Variants in EPB41L3 observed in about 807,000 individuals in gnomAD.
EPB41L3 encodes the protein band 4.1-like protein 3.
A neutral mutation model predicts 127.1 loss-of-function variants in EPB41L3; 57 were observed. The ratio of observed to expected loss-of-function variants is 0.45; its 90% CI spans 0.36 to 0.56. The LOEUF is 0.56. Among genes scored for constraint, EPB41L3 ranks in the 20% least tolerant of loss-of-function variants. EPB41L3 has a pLI of 0.00. For missense variants in EPB41L3, 1,273 were observed against 1,372.2 expected, an observed-to-expected ratio of 0.93 and a Z score of 1.14; for synonymous variants, 572 against 549.5, an observed-to-expected ratio of 1.04 and a Z score of -0.57.
intron 3 of EPB41L3, among the ~76,000 whole-genome samples, chr18:5,584,373 T>A (rs567690840): frequency 6.6e-6 from 1 of 152,344 alleles, no homozygotes; most frequent in East Asian, 1.9e-4. Flanking sequence ...GTGAAAGTCA[T>A]ATTTTGTTGC....
At chr18:5,572,405 A>G (rs1259566212) in intron 3 of EPB41L3, among the ~76,000 whole-genome samples, 2 of 152,166 alleles carry the variant, frequency 1.3e-5, no homozygotes, top group African/African-American at 2.4e-5. Context: ...ATCGTCAACT[A>G]TTTATGCTAC....
At chr18:5,535,983 A>C (rs1290679340) in intron 1 of EPB41L3, among the ~76,000 whole-genome samples, 1 of 152,120 alleles carries the variant, frequency 6.6e-6, no homozygotes, top group African/African-American at 2.4e-5. Flanking sequence ...GGATATTTTG[A>C]TTCTGGAGAG....
chr18:5,579,269 G>T (rs2143123086), intron 3 of EPB41L3, among the ~76,000 whole-genome samples: 1 of 152,274 alleles, frequency 6.6e-6, no homozygotes, highest in East Asian at 1.9e-4. Context: ...CAGACAGGAT[G>T]CTGTCTCTGT....
intron 1 of EPB41L3, among the ~76,000 whole-genome samples, chr18:5,496,610 G>A (rs2091202823): frequency 6.6e-6 from 1 of 152,244 alleles, no homozygotes; most frequent in Admixed American, 6.5e-5. Flanking sequence ...GAAGTTCCCA[G>A]ACTAGGATTC....
intron 6 of EPB41L3, among the ~76,000 whole-genome samples, chr18:5,434,456 TC>T (rs1220102788): frequency 6.6e-6 from 1 of 152,188 alleles, no homozygotes; most frequent in East Asian, 1.9e-4. Flanking sequence ...AAATGAACAG[TC>T]CCCAATACAG....
rs7234759 is a variant in EPB41L3, at chr18:5,465,866, T to A, written c.381+12375A>T. 3.9e-5 allele frequency among the ~76,000 whole-genome samples: 6 copies of A among 152,030 alleles called. No individual in the cohort carries two copies. The South Asian group carries it at 1.2e-3, about 32-fold the overall frequency. On this transcript the variant is annotated intron_variant, in intron 3 of 22. Coordinates refer to ENST00000341928, the MANE Select transcript of EPB41L3 (RefSeq NM_012307.5). ...AGTCTCATTTAATTCATGAAATTCC[T>A]GTAGATATTCAGATATTCAACTGTT...
chr18:5,512,913 A>G (rs1218568316), intron 1 of EPB41L3, among the ~76,000 whole-genome samples: 2 of 152,182 alleles, frequency 1.3e-5, no homozygotes, highest in African/African-American at 4.8e-5. Context: ...CCCTGCCTAT[A>G]TGTAAATGCT....
chr18:5,467,637 TAAGTTA>T (rs1364233539), intron 3 of EPB41L3: 1 of 152,206 alleles, frequency 6.6e-6, no homozygotes, highest in African/African-American at 2.4e-5. Context: ...ACTACATATA[TAAGTTA>T]AATTAGAAAA....
At chr18:5,494,510 T>C (rs1032361521) in intron 1 of EPB41L3, among the ~76,000 whole-genome samples, 2 of 151,858 alleles carry the variant, frequency 1.3e-5, no homozygotes, top group African/African-American at 2.4e-5. Context: ...GTACAAAAAT[T>C]AGCTGTGTAT....
chr18:5,395,270 T>C (rs1338638842), intron 20 of EPB41L3, 123 bp from the exon 21 acceptor site: 8 of 850,280 alleles, frequency 9.4e-6, no homozygotes, highest in Middle Eastern at 2.7e-4. Flanking sequence ...ATTAGAGTTC[T>C]ATGGCACTTA....
chr18:5,541,014 G>C (rs941819645), intron 1 of EPB41L3, among the ~76,000 whole-genome samples: 1 of 150,682 alleles, frequency 6.6e-6, no homozygotes, highest in African/African-American at 2.4e-5. Flanking sequence ...GAACCCGGGA[G>C]GCGGAGCTTG....
chr18:5,539,079 G>A (rs1408399146), intron 1 of EPB41L3, among the ~76,000 whole-genome samples: 4 of 136,774 alleles, frequency 2.9e-5, no homozygotes, highest in African/African-American at 1.1e-4. Flanking sequence ...AGTATTTACT[G>A]AATGCTTTAA....
chr18:5,407,579 CCAA>C (rs2075612533), intron 15 of EPB41L3, 119 bp downstream of exon 15: 8 of 1,026,502 alleles, frequency 7.8e-6, no homozygotes, highest in Admixed American at 4.3e-5. Flanking sequence ...ACACACTGCA[CCAA>C]CAACATGGTA....
In EPB41L3 at chr18:5,478,276, G is replaced by C; in HGVS notation, c.346C>G (p.Leu116Val). ...KPKSMQCKVILLDGSEYTCDV... is the reference protein window; with the variant it reads ...KPKSMQCKVIVLDGSEYTCDV... ...CAGGTATATTCTGATCCATCGAGAA[G>C]TATCACTTTGCACTGCATGCTTTTA... The change falls in exon 3 of 23, where the codon CTT becomes GTT. Residue 116 changes from leucine (L) to valine (V), a missense_variant. By Grantham distance (32) the Leu-to-Val change is conservative. Around this residue, in one of 3 missense-constraint regions of EPB41L3, gnomAD observed 326 missense variants for 440.2 expected, o/e 0.74. Transcript: ENST00000341928. 6.2e-7 allele frequency: 1 copy of C among 1,614,176 alleles called. No individual in the cohort carries two copies. Among genetic ancestry groups the C allele is most frequent in the Non-Finnish European group, 8.5e-7 (1 of 1,180,014 alleles).
intron 13 of EPB41L3, 121 bp downstream of exon 13, chr18:5,415,697 T>G: frequency 9.4e-7 from 1 of 1,068,350 alleles, no homozygotes; most frequent in Non-Finnish European, 1.3e-6. Flanking sequence ...CCTCAACATA[T>G]TGGCACAGAC....
intron 3 of EPB41L3, among the ~76,000 whole-genome samples, chr18:5,566,742 CTATTCT>C: frequency 7.9e-6 from 1 of 126,650 alleles, no homozygotes; most frequent in East Asian, 2.4e-4. Flanking sequence ...CTATTCTATT[CTATTCT>C]ATTCTATTCT....
chr18:5,594,937 C>A (rs755887055), intron 3 of EPB41L3, among the ~76,000 whole-genome samples: 41 of 152,270 alleles, frequency 2.7e-4, no homozygotes, highest in Non-Finnish European at 4.0e-4. Context: ...TAATAAAAAT[C>A]TTGTTAAAAG....
intron 1 of EPB41L3, among the ~76,000 whole-genome samples, chr18:5,540,774 C>T (rs1377486381): frequency 6.6e-6 from 1 of 152,040 alleles, no homozygotes; most frequent in African/African-American, 2.4e-5. Context: ...TAAAGACGGC[C>T]AGGGTAGATT....
intron 9 of EPB41L3, among the ~76,000 whole-genome samples, chr18:5,427,094 T>C (rs2078289921): frequency 6.6e-6 from 1 of 152,100 alleles, no homozygotes; most frequent in Non-Finnish European, 1.5e-5. Context: ...CCTTAAATCC[T>C]TGGGCCCAGG....
Sources: allele counts gnomAD v4.1 joint callset (sites outside exome capture counted in the v4.1 genomes callset), GRCh38; gene constraint gnomAD v4.1.1; regional missense constraint gnomAD v4.1.1; transcripts MANE v1.5; gene names NCBI Gene and HGNC (gene_info 2026-07-23, HGNC 2026-07-21).